The following GPBP1L1 variants were observed in gnomAD, a reference collection of about 807,000 sequenced individuals.
GPBP1L1 encodes vasculin-like protein 1.
In GPBP1L1, 23 loss-of-function variants were observed where a neutral mutation model predicts 52.5. That is an observed-to-expected ratio of 0.44 (90% CI 0.32 to 0.62). GPBP1L1 has a LOEUF of 0.62. Ranked by LOEUF, GPBP1L1 falls within the 20% of genes least tolerant of loss-of-function variation. The pLI is 0.06. For synonymous variants in GPBP1L1, 243 were observed against 203.1 expected (o/e 1.20, Z -1.67); for missense variants, 596 against 579.3 (o/e 1.03, Z -0.30).
At chr1:45,650,300 A>C (rs1366643064) in intron 6 of GPBP1L1, among the ~76,000 whole-genome samples, 1 of 152,160 alleles carries the variant, frequency 6.6e-6, no homozygotes, top group Non-Finnish European at 1.5e-5. Flanking sequence ...CTTACTCTCT[A>C]ACCCTTACAA....
At chr1:45,658,993 A>G (rs1644915855) in intron 4 of GPBP1L1, 35 bp downstream of exon 4, 2 of 1,415,006 alleles carry the variant, frequency 1.4e-6, no homozygotes, top group Non-Finnish European at 2.0e-6. Context: ...ACCCTCTCAT[A>G]TTTGAGAAGT....
chr1:45,683,751 CA>C (rs55857116), intron 2 of GPBP1L1, among the ~76,000 whole-genome samples: 7,728 of 93,018 alleles, frequency 0.083, 316 homozygotes, highest in African/African-American at 0.12. Flanking sequence ...TAATAAAATA[CA>C]AAAAAAAAAA....
chr1:45,633,204 ACATGGATGTTTACTGCAGTTTTATTC>A (rs1248036847), intron 10 of GPBP1L1, among the ~76,000 whole-genome samples: 11 of 152,346 alleles, frequency 7.2e-5, no homozygotes, highest in African/African-American at 2.6e-4. Context: ...AAAAACCTGC[ACATGGATGTTTACTGCAGTTTTATTC>A]ATAGTTGCCA....
At chr1:45,629,728 A>T in intron 11 of GPBP1L1, 50 bp from the exon 12 acceptor site, 1 of 1,169,716 alleles carries the variant, frequency 8.5e-7, no homozygotes, top group Non-Finnish European at 1.3e-6. Context: ...CACTAAGCCT[A>T]AGTGAACAGC....
chr1:45,686,181 G>A (rs1645280787), intron 1 of GPBP1L1, among the ~76,000 whole-genome samples: 1 of 152,238 alleles, frequency 6.6e-6, no homozygotes, highest in South Asian at 2.1e-4. Flanking sequence ...GCGGAGCCCC[G>A]GCGACGCTCG....
chr1:45,651,440 T>G (rs1051188765), intron 6 of GPBP1L1: 6 of 422,788 alleles, frequency 1.4e-5, no homozygotes, highest in African/African-American at 1.0e-4. Context: ...GGTCTCTTAC[T>G]GGGGACATCC....
At chr1:45,658,005 C>G (rs1407357332) in intron 4 of GPBP1L1, among the ~76,000 whole-genome samples, 2 of 152,162 alleles carry the variant, frequency 1.3e-5, no homozygotes, top group African/African-American at 4.8e-5. Flanking sequence ...TTCATCCTTC[C>G]TCTATTCGCT....
chr1:45,652,393 TAATG>T (rs1644829230), intron 6 of GPBP1L1, among the ~76,000 whole-genome samples: 1 of 152,254 alleles, frequency 6.6e-6, no homozygotes, highest in Non-Finnish European at 1.5e-5. Context: ...ACAGGACTGA[TAATG>T]AAGTTTCTAA....
chr1:45,635,794 A>C (rs1273323017), intron 8 of GPBP1L1: 1 of 152,120 alleles, frequency 6.6e-6, no homozygotes, highest in African/African-American at 2.4e-5. Flanking sequence ...AAAAATTCTA[A>C]AATCACTGGG....
intron 8 of GPBP1L1, among the ~76,000 whole-genome samples, chr1:45,637,543 G>GTGTTTTTTT (rs1644611405): frequency 1.0e-5 from 1 of 98,754 alleles, no homozygotes; most frequent in Non-Finnish European, 2.3e-5. Context: ...CTTTATATTA[G>GTGTTTTTTT]TTTTCCAATC....
intron 10 of GPBP1L1, among the ~76,000 whole-genome samples, chr1:45,631,406 G>C (rs1644529801): frequency 6.6e-6 from 1 of 152,080 alleles, no homozygotes; most frequent in South Asian, 2.1e-4. Flanking sequence ...GTGACTATGG[G>C]TGCATGCTAC....
chr1:45,686,667 C>G (rs923234683), upstream of GPBP1L1: 2 of 152,270 alleles, frequency 1.3e-5, no homozygotes, highest in Non-Finnish European at 2.9e-5. Context: ...GGGACTGCTC[C>G]GGCGACCCTC....
At chr1:45,659,283 A>C in intron 3 of GPBP1L1, 141 bp from the exon 4 acceptor site, 1 of 562,924 alleles carries the variant, frequency 1.8e-6, no homozygotes, top group Admixed American at 3.4e-5. Context: ...ACCAAGCCTT[A>C]TAACTCAGAG....
intron 6 of GPBP1L1, among the ~76,000 whole-genome samples, chr1:45,647,712 G>A (rs886505875): frequency 2.0e-5 from 3 of 152,122 alleles, no homozygotes; most frequent in African/African-American, 7.2e-5. Context: ...GAGTAGTTTT[G>A]TAGCAGAGTG....
intron 9 of GPBP1L1, 114 bp from the exon 10 acceptor site, chr1:45,633,761 A>C: frequency 2.0e-5 from 22 of 1,099,118 alleles, no homozygotes; most frequent in South Asian, 3.2e-5. Context: ...CTCTGTCTTA[A>C]ACCAAACAAT....
rs1644932925 is a variant in GPBP1L1 at position 45,660,232 on chromosome 1, C to G, written c.-104G>C. The G allele has an allele frequency of 2.0e-6, 2 of 985,340 alleles. No individual in the cohort carries two copies. Among genetic ancestry groups the G allele is most frequent in the African/African-American group, 3.5e-5 (2 of 57,318 alleles). The allele number at this position is 985,340 out of a possible 1,614,324, so 61.0% of individuals were successfully genotyped here. The stretch of plus-strand genomic sequence containing the variant: ...CTGTTTCTGAACTCGAGTCGGCCAG[C>G]TGGATCTCCCACAAGGTTTCCTTGT... On this transcript the variant is annotated 5_prime_UTR_variant, in exon 3 of 13. Coordinates refer to ENST00000355105, the MANE Select transcript of GPBP1L1 (RefSeq NM_021639.5).
chr1:45,637,194 T>C (rs892497008), intron 8 of GPBP1L1, among the ~76,000 whole-genome samples: 4 of 152,234 alleles, frequency 2.6e-5, no homozygotes, highest in Non-Finnish European at 4.4e-5. Flanking sequence ...CCAAGTATTA[T>C]TTTGTGTCTC....
chr1:45,658,765 A>G, intron 4 of GPBP1L1: 1 of 441,470 alleles, frequency 2.3e-6, no homozygotes, highest in Non-Finnish European at 4.0e-6. Context: ...TTCCATCTCT[A>G]TAAAACAACA....
intron 2 of GPBP1L1, among the ~76,000 whole-genome samples, chr1:45,664,031 A>T (rs1644978457): frequency 6.6e-6 from 1 of 152,010 alleles, no homozygotes; most frequent in Non-Finnish European, 1.5e-5. Context: ...ATGCTGAGCT[A>T]ATTAAAAAAA....
Sources: gnomAD v4.1 joint callset for allele counts (sites outside exome capture counted in the v4.1 genomes callset) on GRCh38, gnomAD v4.1.1 for gene constraint, MANE v1.5 for transcripts, NCBI Gene and HGNC (gene_info 2026-07-23, HGNC 2026-07-21) for gene names.